TXNRD3: variants seen among roughly 807,000 people sequenced by gnomAD.
TXNRD3 encodes the protein TXNRD3 neighbor gene protein.
TXNRD3 carries 68 observed loss-of-function variants against 78.2 expected under a neutral mutation model. The observed-to-expected ratio is 0.87, with a 90% CI of 0.72 to 1.06. TXNRD3 has a LOEUF of 1.06. TXNRD3 is among the 50% of genes least tolerant of loss of function. TXNRD3 has a pLI of 0.00. For missense variants in TXNRD3, 751 were observed against 809.5 expected (o/e 0.93, Z 0.88); for synonymous variants, 296 against 300.1 (o/e 0.99, Z 0.14).
intron 2 of TXNRD3, among the ~76,000 whole-genome samples, chr3:126,646,582 T>C (rs1232039819): frequency 1.3e-5 from 2 of 152,242 alleles, no homozygotes; most frequent in African/African-American, 4.8e-5. Context: ...GAAAAATGTT[T>C]ATGGTCATAG....
At chr3:126,622,860 TG>T (rs1938490255) in intron 10 of TXNRD3, among the ~76,000 whole-genome samples, 1 of 152,158 alleles carries the variant, frequency 6.6e-6, no homozygotes, top group Admixed American at 6.5e-5. Flanking sequence ...ATAGGTCATA[TG>T]GGTGTGCCTT....
At chr3:126,625,569 G>A (rs1348767050) in intron 10 of TXNRD3, among the ~76,000 whole-genome samples, 2 of 151,810 alleles carry the variant, frequency 1.3e-5, no homozygotes, top group Non-Finnish European at 1.5e-5. Context: ...GGACATTTGG[G>A]TTGGTTCCAA....
At chr3:126,631,553 A>G (rs1337439697) in intron 8 of TXNRD3, among the ~76,000 whole-genome samples, 1 of 152,032 alleles carries the variant, frequency 6.6e-6, no homozygotes, top group African/African-American at 2.4e-5. Flanking sequence ...CACACACGGC[A>G]TATTTTTGTA....
At chr3:126,615,229 G>A (rs1381118324) in intron 13 of TXNRD3, 126 bp downstream of exon 13, 2 of 476,270 alleles carry the variant, frequency 4.2e-6, no homozygotes, top group Non-Finnish European at 7.3e-6. Context: ...TCCTAAAATA[G>A]GAATATGATT....
At chr3:126,641,975 T>G (rs1232156461) in intron 6 of TXNRD3, 57 bp downstream of exon 6, 1 of 1,454,846 alleles carries the variant, frequency 6.9e-7, no homozygotes, top group South Asian at 1.4e-5. Flanking sequence ...CAAGTCTTTA[T>G]CTAAAAAACT....
At chr3:126,608,023 TA>T (rs1244661553) in intron 15 of TXNRD3, 50 bp from the exon 16 acceptor site, 41 of 1,301,416 alleles carry the variant, frequency 3.2e-5, no homozygotes, top group Non-Finnish European at 4.0e-5. Context: ...AGTATTGTTT[TA>T]AAAAAACACA....
intron 12 of TXNRD3, among the ~76,000 whole-genome samples, chr3:126,619,348 A>C (rs1938389607): frequency 6.6e-6 from 1 of 152,246 alleles, no homozygotes; most frequent in Non-Finnish European, 1.5e-5. Flanking sequence ...AAAACGTAGT[A>C]TATAAACACA....
At chr3:126,640,492 T>C (rs1166395728) in intron 6 of TXNRD3, among the ~76,000 whole-genome samples, 5 of 152,072 alleles carry the variant, frequency 3.3e-5, no homozygotes, top group African/African-American at 9.7e-5. Context: ...CCTCAATCCA[T>C]ATCCTACCAT....
At chr3:126,617,357 T>A (rs759648571) in intron 12 of TXNRD3, among the ~76,000 whole-genome samples, 13 of 152,212 alleles carry the variant, frequency 8.5e-5, no homozygotes, top group Admixed American at 2.0e-4. Flanking sequence ...AAAATGTTAT[T>A]TGCAGTTGAG....
chr3:126,654,967 C>T lies in TXNRD3; in HGVS notation c.24G>A (p.Ser8=). 7.7e-7 allele frequency: 1 copy of T among 1,299,028 alleles called. No homozygotes were observed. Among genetic ancestry groups the T allele is most frequent in the Non-Finnish European group, 9.7e-7 (1 of 1,028,288 alleles). 80.5% of individuals were successfully genotyped at this position (1,299,028 alleles called of 1,614,324 possible). ...CATCGCCCGCCTTTCCCGGCCCGGG[C>T]GACTGCGGCGGCGACCGCTCCAGAG... The change falls in exon 1 of 16, where the codon TCG becomes TCA. Residue 8 remains serine (S), a synonymous_variant. Transcript: ENST00000524230.
chr3:126,629,618 C>A, intron 9 of TXNRD3, 147 bp from the exon 10 acceptor site: 4 of 562,094 alleles, frequency 7.1e-6, no homozygotes, highest in Admixed American at 3.5e-5. Context: ...CTGGATAAGG[C>A]AGAAATAGAG....
intron 10 of TXNRD3, among the ~76,000 whole-genome samples, chr3:126,626,460 G>A (rs1037654370): frequency 5.3e-5 from 8 of 152,114 alleles, no homozygotes; most frequent in South Asian, 4.1e-4. Context: ...AAATTCAAAC[G>A]ATCCAATAAA....
chr3:126,607,939 C>CCTGA lies in TXNRD3; in HGVS notation c.1894_1897dup (p.Gly633ValfsTer36). ...GCAGCCTTTCTGAGTGATGTCTAGT[C>CCTGA]CTGACGACTTTGTGATTTCCAAAGT... On this transcript the variant is annotated frameshift_variant, in exon 16 of 16. Coordinates refer to ENST00000524230, the MANE Select transcript of TXNRD3 (RefSeq NM_052883.3). LOFTEE classifies it high-confidence loss of function. 6.6e-7 allele frequency: 1 copy of CCTGA among 1,508,510 alleles called. No individual in the cohort carries two copies. Among genetic ancestry groups the CCTGA allele is most frequent in the South Asian group, 1.2e-5 (1 of 80,802 alleles). 93.4% of individuals were successfully genotyped at this position (1,508,510 alleles called of 1,614,324 possible).
intron 7 of TXNRD3, among the ~76,000 whole-genome samples, chr3:126,632,803 G>C (rs1216678213): frequency 6.6e-6 from 1 of 152,164 alleles, no homozygotes; most frequent in Non-Finnish European, 1.5e-5. Flanking sequence ...CCTGGAGAAA[G>C]AGCCTTGCTT....
In TXNRD3 at chr3:126,622,450, C is replaced by A; in HGVS notation, c.1367+14G>T. ...CTTTGTGCAGCAACAGTGCAGTGAT[C>A]CCAATATACTTACTTCTCATTAATT... is the stretch of plus-strand genomic sequence containing the variant. On this transcript the variant is annotated intron_variant, in intron 11 of 15. Transcript: ENST00000524230. 6.5e-7 allele frequency: 1 copy of A among 1,527,380 alleles called. No individual in the cohort carries two copies. Among genetic ancestry groups the A allele is most frequent in the Non-Finnish European group, 8.8e-7 (1 of 1,141,176 alleles). 94.6% of individuals were successfully genotyped at this position (1,527,380 alleles called of 1,614,324 possible). A position where few individuals can be genotyped will look rare whatever the true frequency, so the allele number is the denominator to read the frequency against.
intron 10 of TXNRD3, among the ~76,000 whole-genome samples, chr3:126,623,828 A>C (rs935856968): frequency 4.3e-4 from 59 of 136,280 alleles, no homozygotes; most frequent in African/African-American, 1.6e-3. Flanking sequence ...ACTGTATTGG[A>C]GGTATTAGCC....
chr3:126,617,296 C>G (rs1938339846), intron 12 of TXNRD3, among the ~76,000 whole-genome samples: 1 of 152,166 alleles, frequency 6.6e-6, no homozygotes, highest in Non-Finnish European at 1.5e-5. Context: ...CCACAGTCAC[C>G]ATGATTAACT....
At chr3:126,636,117 T>G (rs997739611) in intron 6 of TXNRD3, among the ~76,000 whole-genome samples, 1 of 152,052 alleles carries the variant, frequency 6.6e-6, no homozygotes, top group Non-Finnish European at 1.5e-5. Context: ...TTTTTTATTT[T>G]TGTAAGGAAG....
chr3:126,645,046 C>T (rs1933194839), intron 3 of TXNRD3, among the ~76,000 whole-genome samples: 1 of 152,230 alleles, frequency 6.6e-6, no homozygotes, highest in African/African-American at 2.4e-5. Context: ...CAGTTGCTCA[C>T]TCCCATTACC....
Sources: allele counts gnomAD v4.1 joint callset (sites outside exome capture counted in the v4.1 genomes callset), GRCh38; gene constraint gnomAD v4.1.1; transcripts MANE v1.5; gene names NCBI Gene and HGNC (gene_info 2026-07-23, HGNC 2026-07-21).